The following TRAPPC12 variants were observed in gnomAD, a reference collection of about 807,000 sequenced individuals.
The protein encoded by TRAPPC12 is TPR repeat protein 15.
TRAPPC12 carries 61 observed loss-of-function variants against 69.2 expected under a neutral mutation model. That is an observed-to-expected ratio of 0.88 (90% CI 0.72 to 1.09). The LOEUF (loss-of-function observed/expected upper bound fraction) is 1.09, where lower values mean the gene tolerates loss of function less well. Among genes scored for constraint, TRAPPC12 ranks in the 50% least tolerant of loss-of-function variants. The pLI is 0.00. For synonymous variants in TRAPPC12, 469 were observed against 438.9 expected (o/e 1.07, Z -0.86); for missense variants, 1,101 against 1,016.4 (o/e 1.08, Z -1.13).
At chr2:3,477,406 T>C (rs1441314846) in intron 9 of TRAPPC12, among the ~76,000 whole-genome samples, 1 of 152,262 alleles carries the variant, frequency 6.6e-6, no homozygotes, top group East Asian at 1.9e-4. Context: ...TTTTATCTAA[T>C]GCTCTGCCAG....
intron 1 of TRAPPC12, among the ~76,000 whole-genome samples, chr2:3,383,396 T>TCCCCCCCCCCCCCCCCC (rs1046127086): frequency 6.7e-6 from 1 of 150,016 alleles, no homozygotes; most frequent in African/African-American, 2.5e-5. Context: ...TAATTTTTGA[T>TCCCCCCCCCCCCCCCCC]CCCCCACCCC....
rs777185825 is a variant in TRAPPC12, at chr2:3,388,259, C to G, written c.636C>G (p.Asp212Glu). ...CCAGCCTCAGCACGTTCTTCGGAGA[C>G]ACGGCCGCCAGCCACTCCTTGGCCT... is the stretch of plus-strand genomic sequence containing the variant. ...PSPSLSTFFG[D>E]TAASHSLASD... Residue 212 changes from aspartate to glutamate, a missense_variant, in exon 2 of 12, where the codon GAC becomes GAG. By Grantham distance (45) the Asp-to-Glu change is conservative (BLOSUM62 2). Coordinates refer to ENST00000324266, the MANE Select transcript of TRAPPC12 (RefSeq NM_016030.6). 254 of 1,608,324 alleles carry G rather than the reference C, an allele frequency of 1.6e-4. No individual in the cohort carries two copies. The highest frequency in any genetic ancestry group is 8.2e-4 in the Middle Eastern group (5 of 6,062).
intron 4 of TRAPPC12, among the ~76,000 whole-genome samples, chr2:3,422,323 G>A (rs996435512): frequency 3.3e-5 from 5 of 152,112 alleles, no homozygotes; most frequent in East Asian, 1.9e-4. Flanking sequence ...GTCTGGGCCC[G>A]GTAGGAAACA....
At chr2:3,411,046 A>G (rs1184946929) in intron 3 of TRAPPC12, among the ~76,000 whole-genome samples, 1 of 152,188 alleles carries the variant, frequency 6.6e-6, no homozygotes, top group Non-Finnish European at 1.5e-5. Flanking sequence ...AATAAAATGA[A>G]ATAAAAAACA....
intron 2 of TRAPPC12, among the ~76,000 whole-genome samples, chr2:3,397,004 AAAAG>A (rs1490088804): frequency 6.6e-6 from 1 of 152,200 alleles, no homozygotes; most frequent in Non-Finnish European, 1.5e-5. Context: ...GGAAAGAAAG[AAAAG>A]AAAAGAAAAG....
rs539692398 is a variant in TRAPPC12, at chr2:3,471,077, C to T, written c.1776+5382C>T. Among the ~76,000 whole-genome samples the T allele has an allele frequency of 2.0e-5, 3 of 152,336 alleles. No homozygotes were observed. The South Asian group carries it at 6.2e-4, about 32-fold the overall frequency. ...GACCACACCAACAGTTGCCCGGTCA[C>T]ACGAGAAGATACACTGGCGAATACA... On this transcript the variant is annotated intron_variant, in intron 9 of 11. Transcript: ENST00000324266.
At chr2:3,431,546 A>G (rs1447735730) in intron 5 of TRAPPC12, among the ~76,000 whole-genome samples, 2 of 152,288 alleles carry the variant, frequency 1.3e-5, no homozygotes, top group East Asian at 3.9e-4. Flanking sequence ...TTTGAGAGCC[A>G]TTCTTCAGAT....
chr2:3,457,796 C>T, intron 7 of TRAPPC12, 103 bp downstream of exon 7: 1 of 1,514,042 alleles, frequency 6.6e-7, no homozygotes, highest in South Asian at 1.3e-5. Context: ...TTTCTGTAGT[C>T]AGCACTGCAC....
At chr2:3,405,794 T>G (rs1347088099) in intron 3 of TRAPPC12, among the ~76,000 whole-genome samples, 2 of 152,228 alleles carry the variant, frequency 1.3e-5, no homozygotes, top group Non-Finnish European at 2.9e-5. Context: ...AAGTATATAT[T>G]CCAGATTCAC....
At chr2:3,421,064 T>C (rs1037962882) in intron 3 of TRAPPC12, among the ~76,000 whole-genome samples, 7 of 152,244 alleles carry the variant, frequency 4.6e-5, no homozygotes, top group African/African-American at 1.4e-4. Context: ...AGCATGTTTA[T>C]TGACTGGCTG....
chr2:3,440,668 T>C (rs767024273), intron 5 of TRAPPC12, among the ~76,000 whole-genome samples: 2 of 152,208 alleles, frequency 1.3e-5, no homozygotes, highest in Non-Finnish European at 2.9e-5. Context: ...TTTCTTGTCA[T>C]TGCATTAGCT....
chr2:3,404,206 G>A (rs1661604157), intron 3 of TRAPPC12, among the ~76,000 whole-genome samples: 1 of 152,152 alleles, frequency 6.6e-6, no homozygotes, highest in African/African-American at 2.4e-5. Flanking sequence ...GTACTCTGCT[G>A]TGAGGTCGCG....
intron 7 of TRAPPC12, 97 bp from the exon 8 acceptor site, chr2:3,460,165 CT>C: frequency 2.5e-6 from 2 of 813,050 alleles, no homozygotes; most frequent in Non-Finnish European, 4.3e-6. Flanking sequence ...CAAGAGGGAT[CT>C]TTTAAAGTTA....
At chr2:3,454,476 TG>T (rs1397535005) in intron 6 of TRAPPC12, 1 of 152,102 alleles carries the variant, frequency 6.6e-6, no homozygotes, top group African/African-American at 2.4e-5. Flanking sequence ...GCTGGGTAGA[TG>T]GGTCTGGAGG....
chr2:3,391,048 T>A (rs1660795469), intron 2 of TRAPPC12, among the ~76,000 whole-genome samples: 1 of 152,234 alleles, frequency 6.6e-6, no homozygotes, highest in Non-Finnish European at 1.5e-5. Context: ...GCATGTAGCA[T>A]GCATAGTATG....
intron 2 of TRAPPC12, among the ~76,000 whole-genome samples, chr2:3,400,555 G>A (rs1251173603): frequency 6.6e-6 from 1 of 152,186 alleles, no homozygotes. Flanking sequence ...CCCCAGAAAG[G>A]AGAGAGATGG....
At chr2:3,450,672 C>CTGTGG (rs1664806975) in intron 6 of TRAPPC12, among the ~76,000 whole-genome samples, 1 of 152,184 alleles carries the variant, frequency 6.6e-6, no homozygotes, top group Non-Finnish European at 1.5e-5. Flanking sequence ...AAGAGGTCCC[C>CTGTGG]TGGGAAGCTG....
chr2:3,406,677 A>G (rs979085605), intron 3 of TRAPPC12, among the ~76,000 whole-genome samples: 3 of 152,182 alleles, frequency 2.0e-5, no homozygotes, highest in African/African-American at 4.8e-5. Flanking sequence ...TCTGTTCCCA[A>G]GGGTGTGGGC....
chr2:3,415,414 C>CTTTTCTTTTCTTTTCTTTTCTTTTCTT, intron 3 of TRAPPC12, among the ~76,000 whole-genome samples: 1 of 152,054 alleles, frequency 6.6e-6, no homozygotes, highest in African/African-American at 2.4e-5. Flanking sequence ...CTTTTCTTTT[C>CTTTTCTTTTCTTTTCTTTTCTTTTCTT]TTTTCTTTTG....
Sources: allele counts gnomAD v4.1 joint callset (sites outside exome capture counted in the v4.1 genomes callset), GRCh38; gene constraint gnomAD v4.1.1; transcripts MANE v1.5; gene names NCBI Gene and HGNC (gene_info 2026-07-23, HGNC 2026-07-21).